RASA3: variants seen among roughly 807,000 people sequenced by gnomAD.
RASA3 encodes RAS p21 protein activator 3, also known as ras GTPase-activating protein 3.
A neutral mutation model predicts 110.0 loss-of-function variants in RASA3; 73 were observed. The ratio of observed to expected loss-of-function variants is 0.66; its 90% confidence interval spans 0.55 to 0.81. The LOEUF is 0.81. RASA3 is among the 30% of genes least tolerant of loss of function. The probability of loss-of-function intolerance (pLI) is 0.00; values close to 1 mark genes in which losing one functional copy is unlikely to be tolerated. For synonymous variants in RASA3, 500 were observed against 451.4 expected (o/e 1.11, Z -1.37); for missense variants, 976 against 1,113.2 (o/e 0.88, Z 1.75).
At chr13:114,041,117 T>C (rs770238161) in intron 3 of RASA3, 23 bp from the exon 4 acceptor site, 2 of 1,602,352 alleles carry the variant, frequency 1.2e-6, no homozygotes, top group African/African-American at 2.7e-5. Flanking sequence ...CAGAGAAGAC[T>C]TCACCACGGG....
chr13:114,028,425 A>G (rs1367879959), intron 5 of RASA3, among the ~76,000 whole-genome samples: 1 of 150,310 alleles, frequency 6.7e-6, no homozygotes, highest in East Asian at 2.0e-4. Context: ...AAACAGCATC[A>G]TCCTGGGGGC....
intron 1 of RASA3, among the ~76,000 whole-genome samples, chr13:114,089,788 C>T (rs1050602474): frequency 7.2e-5 from 11 of 152,070 alleles, no homozygotes; most frequent in South Asian, 2.1e-4. Flanking sequence ...CGAGCATTTC[C>T]GTCCCCCTGA....
At chr13:114,025,139 C>T (rs559881194) in intron 7 of RASA3, among the ~76,000 whole-genome samples, 107 of 152,358 alleles carry the variant, frequency 7.0e-4, no homozygotes, top group African/African-American at 2.3e-3. Context: ...CCCCCTTCTC[C>T]GGGCCTCAGC....
Position 114,111,001 on chromosome 13 carries a change from A to C in RASA3, c.55+21434T>G, listed in dbSNP as rs182546229. 9.2e-3 allele frequency among the ~76,000 whole-genome samples: 1,394 copies of C among 152,258 alleles called. 57 individuals carry two copies. Among genetic ancestry groups the C allele is most frequent in the African/African-American group, 0.032 (1,324 of 41,498 alleles). ...AGGGCTGCTCAAAGTAAAAAAAAAA[A>C]AAACCTAAAACTGCAACATGGAACG... On this transcript the variant is annotated intron_variant, in intron 1 of 23. Coordinates refer to ENST00000334062, the MANE Select transcript of RASA3 (RefSeq NM_007368.4).
intron 1 of RASA3, among the ~76,000 whole-genome samples, chr13:114,105,896 G>C (rs75768633): frequency 0.01 from 1,574 of 152,320 alleles, 31 homozygotes; most frequent in African/African-American, 0.036. Context: ...GGGAATCAGC[G>C]TGGGGGAAAG....
intron 14 of RASA3, among the ~76,000 whole-genome samples, chr13:114,013,956 C>CTCTCTCTCTCTCTCTG (rs2053727193): frequency 3.0e-5 from 1 of 33,278 alleles, no homozygotes; most frequent in African/African-American, 4.3e-4. Context: ...CTCTCTGTCT[C>CTCTCTCTCTCTCTCTG]TCTCTCTCTC....
chr13:113,981,293 G>A (rs1006638250), intron 23 of RASA3, among the ~76,000 whole-genome samples: 1 of 152,182 alleles, frequency 6.6e-6, no homozygotes, highest in Non-Finnish European at 1.5e-5. Context: ...CCCTGCTCCC[G>A]GGCACCATGG....
chr13:114,033,757 G>A (rs1001287768), intron 4 of RASA3, among the ~76,000 whole-genome samples: 1 of 152,262 alleles, frequency 6.6e-6, no homozygotes, highest in South Asian at 2.1e-4. Flanking sequence ...GGTGTGGGAG[G>A]TGGGGCCTCC....
chr13:114,037,878 G>A (rs1273580925), intron 4 of RASA3, among the ~76,000 whole-genome samples: 2 of 151,852 alleles, frequency 1.3e-5, no homozygotes, highest in Admixed American at 1.3e-4. Flanking sequence ...CCTTCTGTTT[G>A]GGGAAGCCAG....
intron 17 of RASA3, among the ~76,000 whole-genome samples, chr13:114,009,119 G>T (rs1454263302): frequency 6.6e-6 from 1 of 152,204 alleles, no homozygotes; most frequent in Non-Finnish European, 1.5e-5. Flanking sequence ...GCCCTCATTC[G>T]GGGGGCTCAG....
At chr13:114,045,940 C>T (rs551615159) in intron 3 of RASA3, among the ~76,000 whole-genome samples, 19 of 70,150 alleles carry the variant, frequency 2.7e-4, no homozygotes, top group African/African-American at 1.7e-3. Context: ...AAGACCCAAG[C>T]GTGTAAAGAT....
At chr13:114,033,741 C>T (rs9525337) in intron 4 of RASA3, among the ~76,000 whole-genome samples, 13,559 of 152,270 alleles carry the variant, frequency 0.089, 1,298 homozygotes, top group African/African-American at 0.23. Flanking sequence ...CTGTGCTGCC[C>T]AGGCAGGTGT....
intron 4 of RASA3, among the ~76,000 whole-genome samples, chr13:114,030,519 GA>G (rs1566502037): frequency 5.4e-4 from 64 of 118,260 alleles, no homozygotes; most frequent in African/African-American, 6.7e-4. Context: ...CTCACACAGA[GA>G]GCAAGACTCA....
chr13:114,119,858 G>C (rs2080347128), intron 1 of RASA3, among the ~76,000 whole-genome samples: 2 of 105,102 alleles, frequency 1.9e-5, no homozygotes, highest in African/African-American at 3.7e-5. Flanking sequence ...GCCAGGCGTC[G>C]ATCAGGGCCC....
At chr13:114,059,722 C>T (rs1465064782) in intron 2 of RASA3, among the ~76,000 whole-genome samples, 1 of 152,240 alleles carries the variant, frequency 6.6e-6, no homozygotes, top group Non-Finnish European at 1.5e-5. Context: ...ATGGCAGGGC[C>T]TCCCACACAC....
chr13:114,104,353 C>A (rs1488528373), intron 1 of RASA3, among the ~76,000 whole-genome samples: 1 of 151,902 alleles, frequency 6.6e-6, no homozygotes, highest in Non-Finnish European at 1.5e-5. Flanking sequence ...GACACCCACC[C>A]CCGATGCGTC....
intron 8 of RASA3, among the ~76,000 whole-genome samples, 179 bp from the exon 9 acceptor site, chr13:114,021,687 G>A (rs573193378): frequency 1.6e-4 from 24 of 152,308 alleles, no homozygotes; most frequent in Admixed American, 5.9e-4. Context: ...CTGTGGCTTT[G>A]GAATAAAGAT....
intron 2 of RASA3, among the ~76,000 whole-genome samples, chr13:114,071,080 A>G (rs1006540270): frequency 6.6e-6 from 1 of 152,228 alleles, no homozygotes; most frequent in Non-Finnish European, 1.5e-5. Flanking sequence ...ACTGTCCCAC[A>G]TGGGTTTCTC....
rs544431589 is a variant in RASA3 at position 114,122,070 on chromosome 13, G to C, written c.55+10365C>G. 5.9e-5 allele frequency among the ~76,000 whole-genome samples: 9 copies of C among 152,358 alleles called. 1 individual carries two copies. The East Asian group carries it at 1.3e-3, about 23-fold the overall frequency. ...TCCCAGAATCTCAGCAGTCAGTCTT[G>C]GACATTAGTTGTCGGGGAGGGAGAG... On this transcript the variant is annotated intron_variant, in intron 1 of 23. Transcript: ENST00000334062.
Sources: allele counts gnomAD v4.1 joint callset (sites outside exome capture counted in the v4.1 genomes callset), GRCh38; gene constraint gnomAD v4.1.1; transcripts MANE v1.5; gene names NCBI Gene and HGNC (gene_info 2026-07-23, HGNC 2026-07-21).